Variants in RIT2 observed in about 807,000 individuals in gnomAD.
The protein encoded by RIT2 is Ras like without CAAX 2.
Under a neutral mutation model 23.7 loss-of-function variants are expected in RIT2, and 24 were observed. That is an observed-to-expected ratio of 1.01 (90% CI 0.73 to 1.43). RIT2 has a LOEUF of 1.43. RIT2 is among the 40% of genes most tolerant of loss of function. The pLI, the probability that RIT2 is intolerant of heterozygous loss-of-function variation, is 0.00. For synonymous variants in RIT2, 107 were observed against 91.1 expected (o/e 1.17, Z -0.99); for missense variants, 236 against 266.9 (o/e 0.88, Z 0.81).
At chr18:42,884,502 G>A (rs1036270291) in intron 4 of RIT2, among the ~76,000 whole-genome samples, 10 of 152,150 alleles carry the variant, frequency 6.6e-5, no homozygotes, top group African/African-American at 2.2e-4. Context: ...TTCATGTTAT[G>A]TAGACCTGTT....
At chr18:42,747,186 G>T (rs1392618765) in intron 4 of RIT2, among the ~76,000 whole-genome samples, 1 of 151,698 alleles carries the variant, frequency 6.6e-6, no homozygotes, top group Non-Finnish European at 1.5e-5. Context: ...CTAGATAAAT[G>T]AATTCAGCAA....
At chr18:42,961,988 C>T (rs773177937) in intron 3 of RIT2, among the ~76,000 whole-genome samples, 1 of 152,118 alleles carries the variant, frequency 6.6e-6, no homozygotes, top group Non-Finnish European at 1.5e-5. Context: ...CCTGTCTCAC[C>T]TATGTTTTGC....
chr18:42,791,815 C>A (rs756553058), intron 4 of RIT2, among the ~76,000 whole-genome samples: 6 of 152,156 alleles, frequency 3.9e-5, no homozygotes, highest in Non-Finnish European at 8.8e-5. Flanking sequence ...CATTATAGTA[C>A]TATTGATTCC....
chr18:42,913,036 G>A (rs1325682154), intron 4 of RIT2, among the ~76,000 whole-genome samples: 1 of 151,812 alleles, frequency 6.6e-6, no homozygotes, highest in Non-Finnish European at 1.5e-5. Context: ...AGTCAGTCTG[G>A]TAGTGGCAGA....
intron 1 of RIT2, among the ~76,000 whole-genome samples, chr18:43,101,184 G>A (rs377560334): frequency 2.6e-5 from 4 of 151,872 alleles, no homozygotes; most frequent in Non-Finnish European, 4.4e-5. Flanking sequence ...TTGTTCATAC[G>A]TATGTTAAAT....
chr18:42,746,295 C>T (rs567325), intron 4 of RIT2, among the ~76,000 whole-genome samples: 82,204 of 151,882 alleles, frequency 0.54, 25,056 homozygotes, highest in Middle Eastern at 0.71. Context: ...AAGAATAATT[C>T]AACTGACCAC....
At position 43,010,457 on chromosome 18, in the gene RIT2, C is replaced by G. The variant is rs149530397; in HGVS notation, c.160+23354G>C. The stretch of plus-strand genomic sequence containing the variant: ...TTAAGCTCTGTTCTTCACACCATCT[C>G]AATTTAATTGACATTGTTTTCAATT... On this transcript the variant is annotated intron_variant, in intron 2 of 4. Coordinates refer to ENST00000326695, the MANE Select transcript of RIT2 (RefSeq NM_002930.4). Among the ~76,000 whole-genome samples the G allele has an allele frequency of 6.0e-3, 909 of 151,890 alleles. 4 individuals carry two copies. The highest frequency in any genetic ancestry group is 0.021 in the African/African-American group (853 of 41,484).
intron 1 of RIT2, among the ~76,000 whole-genome samples, chr18:43,063,180 A>C (rs903948479): frequency 1.3e-5 from 2 of 152,168 alleles, no homozygotes; most frequent in Non-Finnish European, 2.9e-5. Flanking sequence ...AAAAGAGATA[A>C]TACATCTTAT....
At chr18:43,030,579 T>G (rs1262179353) in intron 2 of RIT2, among the ~76,000 whole-genome samples, 2 of 152,102 alleles carry the variant, frequency 1.3e-5, no homozygotes, top group Non-Finnish European at 2.9e-5. Context: ...AATTTATAGT[T>G]TTCAAGATTT....
chr18:42,902,039 C>T (rs1315502513), intron 4 of RIT2, among the ~76,000 whole-genome samples: 8 of 151,728 alleles, frequency 5.3e-5, no homozygotes, highest in Non-Finnish European at 8.9e-5. Flanking sequence ...AACAATGTCA[C>T]AAATCACTAA....
intron 4 of RIT2, among the ~76,000 whole-genome samples, chr18:42,802,842 T>A (rs1905579785): frequency 6.6e-6 from 1 of 152,228 alleles, no homozygotes; most frequent in African/African-American, 2.4e-5. Flanking sequence ...TTTTGAAATG[T>A]TATGCCCTTT....
chr18:43,026,592 G>GAAAGAAAT (rs1352448973), intron 2 of RIT2, among the ~76,000 whole-genome samples: 2 of 127,470 alleles, frequency 1.6e-5, no homozygotes, highest in African/African-American at 2.9e-5. Context: ...AAGAAAGAAA[G>GAAAGAAAT]AAAGAAAGAA....
At chr18:42,982,187 G>A (rs1910612977) in intron 2 of RIT2, among the ~76,000 whole-genome samples, 1 of 152,194 alleles carries the variant, frequency 6.6e-6, no homozygotes, top group African/African-American at 2.4e-5. Context: ...CAGAACTTGG[G>A]GAGCTGCTGG....
At chr18:42,880,325 G>T (rs1490017642) in intron 4 of RIT2, among the ~76,000 whole-genome samples, 1 of 152,040 alleles carries the variant, frequency 6.6e-6, no homozygotes, top group East Asian at 1.9e-4. Flanking sequence ...GCTAGCTAAA[G>T]ATCTGCTTTC....
chr18:42,867,354 C>G (rs1256127894), intron 4 of RIT2, among the ~76,000 whole-genome samples: 1 of 152,108 alleles, frequency 6.6e-6, no homozygotes, highest in Non-Finnish European at 1.5e-5. Flanking sequence ...AGCTATGTTT[C>G]TATCAAACTC....
intron 1 of RIT2, among the ~76,000 whole-genome samples, chr18:43,072,168 T>G (rs1912913843): frequency 6.6e-6 from 1 of 152,044 alleles, no homozygotes; most frequent in Non-Finnish European, 1.5e-5. Context: ...GTATTTTTAG[T>G]AGAGACGGGG....
At chr18:42,800,843 TCTC>T (rs1174771203) in intron 4 of RIT2, among the ~76,000 whole-genome samples, 1 of 152,128 alleles carries the variant, frequency 6.6e-6, no homozygotes, top group Non-Finnish European at 1.5e-5. Context: ...CATTCTTTCT[TCTC>T]CTCCAAACTC....
In RIT2 at chr18:42,787,457, C is replaced by G. The variant is rs573854253; in HGVS notation, c.427-43737G>C. Among the ~76,000 whole-genome samples the G allele has an allele frequency of 1.1e-4, 16 of 151,696 alleles. No homozygotes were observed. In the East Asian group the frequency reaches 1.9e-3, roughly 18 times the overall value. ...AAAGAAAAAAAAAGAATATAATAAACACTCAATGCAGAAAGAAATATTTTT... is the reference window on the plus strand; with the variant it reads ...AAAGAAAAAAAAAGAATATAATAAAGACTCAATGCAGAAAGAAATATTTTT... On this transcript the variant is annotated intron_variant, in intron 4 of 4. Transcript: ENST00000326695.
At chr18:42,861,932 T>G (rs982760037) in intron 4 of RIT2, among the ~76,000 whole-genome samples, 4 of 152,238 alleles carry the variant, frequency 2.6e-5, no homozygotes, top group Non-Finnish European at 1.5e-5. Flanking sequence ...GAAAATTTTT[T>G]AGATCTCTCT....
Sources: allele counts gnomAD v4.1 joint callset (sites outside exome capture counted in the v4.1 genomes callset), GRCh38; gene constraint gnomAD v4.1.1; transcripts MANE v1.5; gene names NCBI Gene and HGNC (gene_info 2026-07-23, HGNC 2026-07-21).